MORN1: variants seen among roughly 807,000 people sequenced by gnomAD.
MORN1 encodes MORN repeat-containing protein 1.
A neutral mutation model predicts 61.9 loss-of-function variants in MORN1; 67 were observed. The ratio of observed to expected loss-of-function variants is 1.08; its 90% CI spans 0.89 to 1.33. The LOEUF is 1.33. Among genes scored for constraint, MORN1 ranks in the 40% most tolerant of loss-of-function variants. The probability of loss-of-function intolerance (pLI) is 0.00; values close to 1 mark genes in which losing one functional copy is unlikely to be tolerated. For missense variants in MORN1, 752 were observed against 691.2 expected, an observed-to-expected ratio of 1.09 and a Z score of -0.99; for synonymous variants, 301 against 292.0, an observed-to-expected ratio of 1.03 and a Z score of -0.31.
At chr1:2,386,434 C>T (rs1387311887) in intron 4 of MORN1, 4 of 157,066 alleles carry the variant, frequency 2.5e-5, no homozygotes, top group South Asian at 1.9e-4. Context: ...TTTTTGTTGT[C>T]GTTGCTTTGC....
At chr1:2,370,242 G>A (rs1295517298) in intron 8 of MORN1, among the ~76,000 whole-genome samples, 2 of 152,160 alleles carry the variant, frequency 1.3e-5, no homozygotes, top group Non-Finnish European at 2.9e-5. Flanking sequence ...CAACTCAACG[G>A]CAAAAGGACG....
chr1:2,381,752 G>A (rs1389930241), intron 6 of MORN1, among the ~76,000 whole-genome samples: 2 of 152,212 alleles, frequency 1.3e-5, no homozygotes, highest in African/African-American at 4.8e-5. Flanking sequence ...GCCGCTTGGG[G>A]GCCCGGCTCT....
At chr1:2,382,389 T>C (rs1642392262) in intron 6 of MORN1, among the ~76,000 whole-genome samples, 1 of 152,138 alleles carries the variant, frequency 6.6e-6, no homozygotes, top group African/African-American at 2.4e-5. Context: ...CTGGTGGGGA[T>C]CATGAGCCAA....
chr1:2,356,004 C>T (rs1403473534), intron 10 of MORN1, among the ~76,000 whole-genome samples: 2 of 152,180 alleles, frequency 1.3e-5, no homozygotes, highest in Non-Finnish European at 2.9e-5. Context: ...AGGGGCTGGC[C>T]CTGCCTGCTT....
At chr1:2,323,290 T>C in intron 13 of MORN1, 2 of 985,380 alleles carry the variant, frequency 2.0e-6, no homozygotes, top group Non-Finnish European at 2.4e-6. Context: ...GCTCTGCTTG[T>C]TCTCCCGCTG....
At chr1:2,361,566 C>CAAAT (rs879712737) in intron 8 of MORN1, among the ~76,000 whole-genome samples, 8 of 151,658 alleles carry the variant, frequency 5.3e-5, no homozygotes, top group East Asian at 1.9e-4. Flanking sequence ...AAAAAATTAA[C>CAAAT]AAATAAATAA....
At chr1:2,355,768 C>T (rs1641750515) in intron 10 of MORN1, among the ~76,000 whole-genome samples, 2 of 152,222 alleles carry the variant, frequency 1.3e-5, no homozygotes, top group Non-Finnish European at 2.9e-5. Context: ...CTGGCACAGC[C>T]TGCCAACCAC....
intron 10 of MORN1, among the ~76,000 whole-genome samples, chr1:2,350,183 A>G (rs142507486): frequency 2.6e-5 from 4 of 152,370 alleles, no homozygotes; most frequent in South Asian, 4.1e-4. Flanking sequence ...TATAAAATCA[A>G]TGTGCTTTGT....
chr1:2,369,515 A>G (rs1363621971), intron 8 of MORN1, among the ~76,000 whole-genome samples: 1 of 152,144 alleles, frequency 6.6e-6, no homozygotes, highest in African/African-American at 2.4e-5. Context: ...ATTTATAAAC[A>G]ATATGATCGT....
intron 9 of MORN1, among the ~76,000 whole-genome samples, chr1:2,358,318 C>T (rs147154476): frequency 4.1e-4 from 62 of 152,202 alleles, no homozygotes; most frequent in Non-Finnish European, 7.4e-4. Context: ...ACTCCAGACA[C>T]GGACCCAGGC....
intron 6 of MORN1, among the ~76,000 whole-genome samples, chr1:2,381,894 T>C (rs965476244): frequency 4.6e-5 from 7 of 152,130 alleles, no homozygotes; most frequent in Admixed American, 6.5e-5. Flanking sequence ...CCCGGGCCAG[T>C]GTGGTGCCGG....
chr1:2,329,982 G>C (rs972546680), intron 12 of MORN1, among the ~76,000 whole-genome samples: 1 of 152,120 alleles, frequency 6.6e-6, no homozygotes, highest in Admixed American at 6.5e-5. Context: ...TCCGGGTGAG[G>C]GGGGAGCTCC....
At position 2,337,056 on chromosome 1, in the gene MORN1, C is replaced by A. The variant is rs1641296005; in HGVS notation, c.1037-206G>T. Among the ~76,000 whole-genome samples, 1 of 152,022 alleles carries A rather than the reference C, an allele frequency of 6.6e-6. No individual in the cohort carries two copies. The highest frequency in any genetic ancestry group is 6.5e-5 in the Admixed American group (1 of 15,286). ...GGCCGCCGACAGGGGAGGTGGGGGT[C>A]CTCCGTGTCCACGGCCTCTGACGCC... On this transcript the variant is annotated intron_variant, in intron 10 of 13. Transcript: ENST00000378531. This position sits in a 1 kb window ranked among gnomAD's most constrained non-coding sequence, Gnocchi z 5.7.
Position 2,350,316 on chromosome 1 carries a change from CAACTA to C in MORN1, c.1036+7111_1036+7115del, listed in dbSNP as rs1056856098. 2.6e-5 allele frequency: 4 copies of C among 152,136 alleles called. No individual in the cohort carries two copies. The East Asian group carries it at 7.7e-4, about 29-fold the overall frequency. 9.4% of individuals were successfully genotyped at this position (152,136 alleles called of 1,614,324 possible). On this transcript the variant is annotated intron_variant, in intron 10 of 13. Transcript: ENST00000378531. The stretch of plus-strand genomic sequence containing the variant: ...CAAATCCTTATTTGAAAGTTAAAAA[CAACTA>C]AACAACTGAAATATTTCATATCAAC...
intron 12 of MORN1, chr1:2,326,562 G>C (rs916482470): frequency 1.3e-5 from 2 of 152,272 alleles, no homozygotes; most frequent in East Asian, 1.9e-4. Flanking sequence ...GGTGGTGCAG[G>C]AGCCCTGGGC....
chr1:2,359,192 C>A (rs1364643585), intron 8 of MORN1, among the ~76,000 whole-genome samples: 1 of 152,168 alleles, frequency 6.6e-6, no homozygotes, highest in East Asian at 1.9e-4. Flanking sequence ...TGGTGGTCCT[C>A]ATCACCCTGG....
At chr1:2,358,443 C>T (rs1165906288) in intron 9 of MORN1, 149 bp downstream of exon 9, 3 of 1,056,130 alleles carry the variant, frequency 2.8e-6, no homozygotes, top group Non-Finnish European at 2.7e-6. Context: ...TTCAAGGGAG[C>T]TGTTTCCTTA....
chr1:2,356,952 T>C (rs925556477), intron 10 of MORN1, among the ~76,000 whole-genome samples: 1 of 152,058 alleles, frequency 6.6e-6, no homozygotes, highest in Non-Finnish European at 1.5e-5. Context: ...CTGGGCCTCA[T>C]CTCCACGAAG....
chr1:2,391,441 TG>T lies in MORN1; in HGVS notation c.76+16del. The T allele has an allele frequency of 8.0e-7, 1 of 1,256,904 alleles. No individual in the cohort carries two copies. Among genetic ancestry groups the T allele is most frequent in the Non-Finnish European group, 1.0e-6 (1 of 993,110 alleles). 77.9% of individuals were successfully genotyped at this position (1,256,904 alleles called of 1,614,324 possible). ...CCAGGGCAGCCAGCGACCTGTCCCG[TG>T]GCCCGCAGTCGTTACCGTTCCGGGG... On this transcript the variant is annotated intron_variant, in intron 1 of 13. Transcript: ENST00000378531.
Sources: gnomAD v4.1 joint callset for allele counts (sites outside exome capture counted in the v4.1 genomes callset) on GRCh38, gnomAD v4.1.1 for gene constraint, Gnocchi (gnomAD v3.1) non-coding constraint, MANE v1.5 for transcripts, NCBI Gene and HGNC (gene_info 2026-07-23, HGNC 2026-07-21) for gene names.